The following MAP3K19 variants were observed in gnomAD, a reference collection of about 807,000 sequenced individuals.
The protein encoded by MAP3K19 is SPS1/STE20-related protein kinase YSK4.
MAP3K19 carries 91 observed loss-of-function variants against 114.4 expected under a neutral mutation model. The ratio of observed to expected loss-of-function variants is 0.80; its 90% CI spans 0.67 to 0.95. MAP3K19 has a LOEUF of 0.95. Among genes scored for constraint, MAP3K19 ranks in the 40% least tolerant of loss-of-function variants. MAP3K19 has a pLI of 0.00. For missense variants in MAP3K19, 1,471 were observed against 1,573.2 expected (o/e 0.94, Z 1.10); for synonymous variants, 518 against 530.5 (o/e 0.98, Z 0.32).
intron 6 of MAP3K19, among the ~76,000 whole-genome samples, chr2:135,003,863 A>G (rs540456539): frequency 6.6e-6 from 1 of 152,310 alleles, no homozygotes; most frequent in South Asian, 2.1e-4. Context: ...CCATTTAAAG[A>G]GATTTAAACC....
At chr2:135,036,589 G>A (rs1688531837) in intron 2 of MAP3K19, among the ~76,000 whole-genome samples, 1 of 151,472 alleles carries the variant, frequency 6.6e-6, no homozygotes, top group Non-Finnish European at 1.5e-5. Context: ...GTTATGTTTG[G>A]GATGTCTGTA....
chr2:135,021,370 G>A (rs759671139), intron 5 of MAP3K19, among the ~76,000 whole-genome samples: 5 of 152,032 alleles, frequency 3.3e-5, no homozygotes, highest in Non-Finnish European at 5.9e-5. Context: ...CTGGCACCCT[G>A]ATCTCAGACT....
chr2:134,968,906 T>C (rs1683642668), intron 12 of MAP3K19, among the ~76,000 whole-genome samples: 2 of 127,476 alleles, frequency 1.6e-5, no homozygotes, highest in Admixed American at 7.8e-5. Context: ...TCCCAGACGA[T>C]GGGCGGCCAG....
rs373761321 is a variant in MAP3K19 at position 135,035,482 on chromosome 2, G to A, written c.-284+4881C>T. ...TAGGTAAGTGGCTGCTTAGGGCTGG[G>A]GTGGGAGTTGGGAAGAAAGGATATA... On this transcript the variant is annotated intron_variant, in intron 2 of 12. Transcript: ENST00000392915. Among the ~76,000 whole-genome samples the A allele has an allele frequency of 2.6e-5, 4 of 152,316 alleles. No individual in the cohort carries two copies. The South Asian group carries it at 8.3e-4, about 32-fold the overall frequency.
intron 1 of MAP3K19, among the ~76,000 whole-genome samples, chr2:135,046,406 T>C (rs991454119): frequency 1.3e-5 from 2 of 152,094 alleles, no homozygotes; most frequent in African/African-American, 4.8e-5. Flanking sequence ...GCCTCCCAAG[T>C]AGCTGGGATT....
chr2:135,020,906 AT>A (rs1441711840), intron 5 of MAP3K19, among the ~76,000 whole-genome samples: 1 of 152,196 alleles, frequency 6.6e-6, no homozygotes, highest in Admixed American at 6.5e-5. Flanking sequence ...TCTTTTGTTT[AT>A]AAATTACCCA....
chr2:135,022,336 A>G (rs1354531526), intron 4 of MAP3K19, among the ~76,000 whole-genome samples: 1 of 152,204 alleles, frequency 6.6e-6, no homozygotes, highest in East Asian at 1.9e-4. Flanking sequence ...AGCCATCAGC[A>G]GTTCAAGGTT....
rs377252596 is a variant in MAP3K19, at chr2:134,969,444, GGATAA to G, written c.3921-4533_3921-4529del. ...TTTTTAATAGTAGTCATTTTAACTG[GGATAA>G]GATGGTAGGTATCTCTTGGTGGTTT... is the stretch of plus-strand genomic sequence containing the variant. On this transcript the variant is annotated intron_variant, in intron 12 of 12. Transcript: ENST00000392915. Among the ~76,000 whole-genome samples the G allele has an allele frequency of 2.5e-3, 377 of 152,122 alleles. 2 individuals carry two copies. Among genetic ancestry groups the G allele is most frequent in the African/African-American group, 8.7e-3 (361 of 41,512 alleles).
chr2:135,017,413 C>T (rs1687650810), intron 5 of MAP3K19, among the ~76,000 whole-genome samples: 1 of 152,150 alleles, frequency 6.6e-6, no homozygotes, highest in Non-Finnish European at 1.5e-5. Flanking sequence ...TGTCAATATT[C>T]AGACTTAAGC....
chr2:134,982,226 C>CT (rs1684730279), intron 11 of MAP3K19, among the ~76,000 whole-genome samples: 1 of 150,340 alleles, frequency 6.7e-6, no homozygotes, highest in South Asian at 2.1e-4. Flanking sequence ...TCAAGCGATC[C>CT]TCCTGCCTCA....
chr2:135,029,177 C>T (rs1439439559), intron 3 of MAP3K19, among the ~76,000 whole-genome samples: 8 of 152,118 alleles, frequency 5.3e-5, no homozygotes, highest in Non-Finnish European at 1.0e-4. Flanking sequence ...TCGAGACCAA[C>T]CTGGCTAACA....
chr2:135,038,549 A>G (rs1407478810), intron 2 of MAP3K19, among the ~76,000 whole-genome samples: 1 of 151,946 alleles, frequency 6.6e-6, no homozygotes. Flanking sequence ...CTAGTGTTCC[A>G]TTAGATAAAA....
At chr2:134,994,933 C>G (rs1012673806) in intron 8 of MAP3K19, among the ~76,000 whole-genome samples, 1 of 152,150 alleles carries the variant, frequency 6.6e-6, no homozygotes, top group East Asian at 1.9e-4. Flanking sequence ...GAATTAGAGA[C>G]AACAAACAAC....
chr2:134,992,560 C>T (rs927478886), intron 8 of MAP3K19, among the ~76,000 whole-genome samples: 2 of 152,174 alleles, frequency 1.3e-5, no homozygotes, highest in African/African-American at 2.4e-5. Flanking sequence ...AGCAGTAAAT[C>T]GAGATCATAT....
chr2:134,979,662 G>GA (rs1684490696), intron 12 of MAP3K19, among the ~76,000 whole-genome samples: 1 of 24,798 alleles, frequency 4.0e-5, no homozygotes, highest in African/African-American at 1.8e-4. Context: ...TTTTTTTTTT[G>GA]GAGAGGGTGG....
intron 12 of MAP3K19, among the ~76,000 whole-genome samples, chr2:134,976,829 G>A (rs914330263): frequency 2.5e-4 from 37 of 150,520 alleles, no homozygotes; most frequent in Non-Finnish European, 1.3e-4. Flanking sequence ...GGTGGATCAC[G>A]AGGTCAGGAG....
At position 134,987,422 on chromosome 2, in the gene MAP3K19, G is replaced by T; in HGVS notation, c.1450C>A (p.Leu484Ile). 6.2e-7 allele frequency: 1 copy of T among 1,614,144 alleles called. No homozygotes were observed. Among genetic ancestry groups the T allele is most frequent in the Non-Finnish European group, 8.5e-7 (1 of 1,180,024 alleles). The change falls in exon 10 of 13, where the codon CTT becomes ATT. Residue 484 changes from leucine to isoleucine, a missense_variant. Physicochemically the swap from Leu to Ile is conservative, Grantham distance 5. Coordinates refer to ENST00000392915, the MANE Select transcript of MAP3K19 (RefSeq NM_025052.5). ...TCCACAGGGAAGGTGATGTGGATAA[G>T]AGGCACCATCCTACTCATTTCTGGT... ...AKPEMSRMVP[L>I]IHITFPVDGS... is the part of the protein sequence containing the mutation.
chr2:134,981,880 CTT>C (rs567597251), intron 11 of MAP3K19, among the ~76,000 whole-genome samples: 21,425 of 124,352 alleles, frequency 0.17, 1,434 homozygotes, highest in Middle Eastern at 0.38. Context: ...GATTTCTTTT[CTT>C]TTTTTTTTTT....
At chr2:134,975,446 G>T (rs1684170269) in intron 12 of MAP3K19, among the ~76,000 whole-genome samples, 1 of 152,284 alleles carries the variant, frequency 6.6e-6, no homozygotes, top group South Asian at 2.1e-4. Context: ...TCAGACACCG[G>T]CAGGGCTGCT....
Sources: gnomAD v4.1 joint callset for allele counts (sites outside exome capture counted in the v4.1 genomes callset) on GRCh38, gnomAD v4.1.1 for gene constraint, MANE v1.5 for transcripts, NCBI Gene and HGNC (gene_info 2026-07-23, HGNC 2026-07-21) for gene names.